The following PTPRD variants were observed in gnomAD, a reference collection of about 807,000 sequenced individuals.
The protein encoded by PTPRD is receptor-type tyrosine-protein phosphatase delta.
In PTPRD, 34 loss-of-function variants were observed where a neutral mutation model predicts 214.5. The observed-to-expected ratio is 0.16, with a 90% CI of 0.12 to 0.21. PTPRD has a LOEUF of 0.21. PTPRD is among the 10% of genes least tolerant of loss of function. The pLI, the probability that PTPRD is intolerant of heterozygous loss-of-function variation, is 1.00. For synonymous variants in PTPRD, 1,128 were observed against 845.7 expected (o/e 1.33, Z -5.79); for missense variants, 2,545 against 2,398.7 (o/e 1.06, Z -1.27).
At chr9:10,456,924 A>G (rs2098922164) in intron 2 of PTPRD, among the ~76,000 whole-genome samples, 1 of 151,904 alleles carries the variant, frequency 6.6e-6, no homozygotes. Context: ...AGTAGCTAGG[A>G]ATATGAAGCA....
chr9:9,698,707 G>C (rs1349258428), intron 7 of PTPRD, among the ~76,000 whole-genome samples: 2 of 152,134 alleles, frequency 1.3e-5, no homozygotes, highest in South Asian at 4.2e-4. Context: ...TCTCCTGCCA[G>C]TGCACCCAAG....
intron 39 of PTPRD, among the ~76,000 whole-genome samples, chr9:8,371,116 A>C (rs2134392855): frequency 6.6e-6 from 1 of 152,210 alleles, no homozygotes; most frequent in South Asian, 2.1e-4. Flanking sequence ...GGTATGTGGG[A>C]AAGAACATGA....
chr9:9,727,630 C>T (rs969887065), intron 7 of PTPRD, among the ~76,000 whole-genome samples: 2 of 152,070 alleles, frequency 1.3e-5, no homozygotes, highest in African/African-American at 2.4e-5. Context: ...TGCATAAGTC[C>T]TATGCTACCC....
chr9:9,250,553 A>G (rs1439662924), intron 9 of PTPRD, among the ~76,000 whole-genome samples: 4 of 152,098 alleles, frequency 2.6e-5, no homozygotes, highest in African/African-American at 4.8e-5. Context: ...GTGTCTCTTC[A>G]AACAGCAGGT....
intron 7 of PTPRD, among the ~76,000 whole-genome samples, chr9:9,671,995 A>C (rs916342624): frequency 1.3e-5 from 2 of 152,220 alleles, no homozygotes; most frequent in Non-Finnish European, 2.9e-5. Context: ...GCTACTGTAC[A>C]TTAAAACATC....
intron 14 of PTPRD, among the ~76,000 whole-genome samples, chr9:8,575,118 A>T (rs2092113147): frequency 6.6e-6 from 1 of 152,126 alleles, no homozygotes; most frequent in Non-Finnish European, 1.5e-5. Flanking sequence ...TCAGGCTGCA[A>T]ACAAGTACAA....
chr9:9,198,727 T>C (rs2099940132), intron 9 of PTPRD, among the ~76,000 whole-genome samples: 1 of 152,178 alleles, frequency 6.6e-6, no homozygotes, highest in South Asian at 2.1e-4. Flanking sequence ...ATAGATGCCT[T>C]ATGATTCCCT....
chr9:10,199,077 T>A (rs1470300243), intron 3 of PTPRD, among the ~76,000 whole-genome samples: 1 of 151,992 alleles, frequency 6.6e-6, no homozygotes, highest in Non-Finnish European at 1.5e-5. Flanking sequence ...TTCTTCAGGC[T>A]TTCAAATCCT....
chr9:9,759,473 G>T (rs1298745893), intron 6 of PTPRD, among the ~76,000 whole-genome samples: 1 of 149,584 alleles, frequency 6.7e-6, no homozygotes, highest in East Asian at 2.1e-4. Context: ...TACCTTATTA[G>T]TTTTAAATTT....
chr9:9,508,909 T>C (rs1355873205), intron 8 of PTPRD, among the ~76,000 whole-genome samples: 1 of 151,644 alleles, frequency 6.6e-6, no homozygotes, highest in Non-Finnish European at 1.5e-5. Flanking sequence ...AGAGTCTGTA[T>C]ATCACCCTTG....
chr9:10,051,254 C>T (rs1214818697), intron 3 of PTPRD, among the ~76,000 whole-genome samples: 2 of 152,074 alleles, frequency 1.3e-5, no homozygotes, highest in Non-Finnish European at 2.9e-5. Flanking sequence ...GAAAACATGA[C>T]TTAGCTATCA....
rs184155622 is a variant in PTPRD, at chr9:9,157,512, T to C, written c.-143+25792A>G. Among the ~76,000 whole-genome samples, 376 of 152,156 alleles carry C rather than the reference T, an allele frequency of 2.5e-3. 2 individuals carry two copies. Among genetic ancestry groups the C allele is most frequent in the Non-Finnish European group, 4.1e-3 (280 of 67,986 alleles). On this transcript the variant is annotated intron_variant, in intron 10 of 45. Transcript: ENST00000381196. ...AACTGTATGTCAAAAAATTGGACAGTCTAGAAGAAATGGATAAATTCCTAG... is the reference window on the plus strand; with the variant it reads ...AACTGTATGTCAAAAAATTGGACAGCCTAGAAGAAATGGATAAATTCCTAG...
At chr9:10,488,866 C>G (rs1323994668) in intron 2 of PTPRD, among the ~76,000 whole-genome samples, 1 of 152,118 alleles carries the variant, frequency 6.6e-6, no homozygotes. Flanking sequence ...GGGCTCCCCT[C>G]TGGCACAGGA....
chr9:9,519,456 A>G (rs1011721631), intron 8 of PTPRD, among the ~76,000 whole-genome samples: 2 of 151,964 alleles, frequency 1.3e-5, no homozygotes, highest in Non-Finnish European at 2.9e-5. Context: ...AGCCTAATCA[A>G]AGAAAAGGAA....
intron 8 of PTPRD, among the ~76,000 whole-genome samples, chr9:9,450,095 G>GGTGTGTGT (rs535344466): frequency 6.8e-6 from 1 of 146,012 alleles, no homozygotes; most frequent in African/African-American, 2.6e-5. Flanking sequence ...AGTATTCCAT[G>GGTGTGTGT]GTGTGTGTGT....
chr9:9,743,770 A>ACACACACACAC (rs371763537), intron 6 of PTPRD, among the ~76,000 whole-genome samples: 5 of 145,264 alleles, frequency 3.4e-5, no homozygotes, highest in Non-Finnish European at 7.5e-5. Flanking sequence ...ACACACACAC[A>ACACACACACAC]ATTTATACTG....
At chr9:9,068,027 T>C (rs531290028) in intron 10 of PTPRD, among the ~76,000 whole-genome samples, 1 of 152,368 alleles carries the variant, frequency 6.6e-6, no homozygotes, top group South Asian at 2.1e-4. Context: ...AACACTGCTC[T>C]GTTCTCCACA....
In PTPRD at chr9:8,591,769, T is replaced by C. The variant is rs149273417; in HGVS notation, c.352+41548A>G. Among the ~76,000 whole-genome samples the C allele has an allele frequency of 2.8e-3, 430 of 152,266 alleles. 3 individuals carry two copies. The highest frequency in any genetic ancestry group is 0.019 in the Admixed American group (283 of 15,286). Reference sequence around the variant, plus strand: ...GCAATCTCACTTATATATCACAGAATTTCAGTTTAAGCATAGGATACAAGA... The same window carrying C: ...GCAATCTCACTTATATATCACAGAACTTCAGTTTAAGCATAGGATACAAGA... On this transcript the variant is annotated intron_variant, in intron 14 of 45. Transcript: ENST00000381196.
At chr9:8,621,905 G>C (rs866309493) in intron 14 of PTPRD, among the ~76,000 whole-genome samples, 3 of 151,988 alleles carry the variant, frequency 2.0e-5, no homozygotes, top group South Asian at 2.1e-4. Flanking sequence ...CTGTTTTGGA[G>C]TACAGTATAT....
Sources: gnomAD v4.1 joint callset for allele counts (sites outside exome capture counted in the v4.1 genomes callset) on GRCh38, gnomAD v4.1.1 for gene constraint, MANE v1.5 for transcripts, NCBI Gene and HGNC (gene_info 2026-07-23, HGNC 2026-07-21) for gene names.